SLC12A2: variants seen among roughly 807,000 people sequenced by gnomAD.
The protein encoded by SLC12A2 is Na-K-2Cl cotransporter 1.
A neutral mutation model predicts 136.3 loss-of-function variants in SLC12A2; 67 were observed. That is an observed-to-expected ratio of 0.49 (90% CI 0.40 to 0.60). The LOEUF is 0.60. Among genes scored for constraint, SLC12A2 ranks in the 20% least tolerant of loss-of-function variants. SLC12A2 has a pLI of 0.00. For missense variants in SLC12A2, 1,322 were observed against 1,534.7 expected, an observed-to-expected ratio of 0.86 and a Z score of 2.32; for synonymous variants, 619 against 562.9, an observed-to-expected ratio of 1.10 and a Z score of -1.41.
chr5:128,151,535 C>CT, intron 14 of SLC12A2, 139 bp downstream of exon 14: 1 of 688,092 alleles, frequency 1.5e-6, no homozygotes, highest in Admixed American at 4.0e-5. Context: ...ACCTAAAATA[C>CT]TTTATTTCCA....
At chr5:128,183,372 T>A (rs1046557068) in intron 24 of SLC12A2, among the ~76,000 whole-genome samples, 1 of 152,108 alleles carries the variant, frequency 6.6e-6, no homozygotes, top group Non-Finnish European at 1.5e-5. Context: ...CAGGTTGTTA[T>A]AATGATATTT....
rs141588608 is a variant in SLC12A2 at position 128,111,813 on chromosome 5, C to CATGTGT, written c.757-1001_757-1000insATGTGT. ...GCATATATATATGTGTGTGTATATA[C>CATGTGT]GTGTGTGTGTGTGTATATATATATA... On this transcript the variant is annotated intron_variant, in intron 1 of 26. Transcript: ENST00000262461. Among the ~76,000 whole-genome samples the CATGTGT allele has an allele frequency of 2.7e-3, 399 of 146,770 alleles. 3 individuals are homozygous for CATGTGT. Among genetic ancestry groups the CATGTGT allele is most frequent in the African/African-American group, 9.7e-3 (388 of 39,880 alleles).
At chr5:128,110,479 G>T in intron 1 of SLC12A2, 2 of 1,390,704 alleles carry the variant, frequency 1.4e-6, no homozygotes, top group Non-Finnish European at 2.0e-6. Context: ...ACTCATAGAC[G>T]CTGCTTTCAC....
intron 3 of SLC12A2, 109 bp downstream of exon 3, chr5:128,114,396 C>T: frequency 1.1e-6 from 1 of 904,320 alleles, no homozygotes; most frequent in Non-Finnish European, 1.8e-6. Flanking sequence ...CTACGTTTTC[C>T]TTTATATCAG....
intron 17 of SLC12A2, among the ~76,000 whole-genome samples, chr5:128,162,776 A>C (rs1763080846): frequency 6.6e-6 from 1 of 152,210 alleles, no homozygotes; most frequent in Admixed American, 6.5e-5. Flanking sequence ...ATATACTCTT[A>C]TTCCATATCC....
intron 12 of SLC12A2, among the ~76,000 whole-genome samples, chr5:128,149,449 T>G (rs1394836230): frequency 6.6e-6 from 1 of 151,778 alleles, no homozygotes; most frequent in Non-Finnish European, 1.5e-5. Flanking sequence ...CTTCTAGGTA[T>G]GTACCCTATA....
Position 128,164,233 on chromosome 5 carries a change from T to G in SLC12A2, c.2616+2433T>G, listed in dbSNP as rs143394447. 1.8e-3 allele frequency among the ~76,000 whole-genome samples: 274 copies of G among 152,252 alleles called. 1 individual carries two copies. Among genetic ancestry groups the G allele is most frequent in the African/African-American group, 6.4e-3 (266 of 41,550 alleles). On this transcript the variant is annotated intron_variant, in intron 17 of 26. Transcript: ENST00000262461. ...CAGAGTTTGAGGTGATGCTGCTGAT[T>G]CAGTTCAGGGACTATACTTTAAGAA...
chr5:128,095,889 C>T (rs2126646016), intron 1 of SLC12A2, among the ~76,000 whole-genome samples: 1 of 152,158 alleles, frequency 6.6e-6, no homozygotes, highest in South Asian at 2.1e-4. Context: ...CTTTGATTAC[C>T]ATATTGAGAG....
At position 128,161,706 on chromosome 5, in the gene SLC12A2, A is replaced by C; in HGVS notation, c.2522A>C (p.Lys841Thr). The C allele has an allele frequency of 6.5e-7, 1 of 1,527,730 alleles. No individual in the cohort carries two copies. The highest frequency in any genetic ancestry group is 8.8e-7 in the Non-Finnish European group (1 of 1,139,346). 94.6% of individuals were successfully genotyped at this position (1,527,730 alleles called of 1,614,324 possible). ...AMKEMSIDQA[K>T]YQRWLIKNKM... is the part of the protein sequence containing the mutation. ...AAAGAGATGTCCATCGATCAAGCCAAATATCAGCGATGGCTTATTAAGAAC... is the reference window on the plus strand; with the variant it reads ...AAAGAGATGTCCATCGATCAAGCCACATATCAGCGATGGCTTATTAAGAAC... The change falls in exon 17 of 27, where the codon AAA (lysine) becomes ACA (threonine). Residue 841 changes from lysine to threonine, a missense_variant. Lys to Thr is a moderately conservative substitution (Grantham distance 78, BLOSUM62 -1). Coordinates refer to ENST00000262461, the MANE Select transcript of SLC12A2 (RefSeq NM_001046.3).
At chr5:128,123,692 T>A (rs1002638405) in intron 4 of SLC12A2, among the ~76,000 whole-genome samples, 1 of 152,206 alleles carries the variant, frequency 6.6e-6, no homozygotes, top group Non-Finnish European at 1.5e-5. Flanking sequence ...ATACAACTAC[T>A]TTATCAAATA....
chr5:128,184,675 T>C, intron 25 of SLC12A2, 114 bp from the exon 26 acceptor site: 3 of 1,538,640 alleles, frequency 1.9e-6, no homozygotes, highest in Admixed American at 2.0e-5. Context: ...AGAACAGATA[T>C]TTTTATTACA....
intron 4 of SLC12A2, among the ~76,000 whole-genome samples, chr5:128,126,966 A>ATATATATATATAATTTTT: frequency 2.8e-4 from 6 of 21,156 alleles, no homozygotes; most frequent in Admixed American, 8.7e-4. Flanking sequence ...ATATATATAT[A>ATATATATATATAATTTTT]TTTTTTTTTT....
chr5:128,109,947 G>A (rs1157622204), intron 1 of SLC12A2: 4 of 880,072 alleles, frequency 4.5e-6, no homozygotes, highest in Non-Finnish European at 7.8e-6. Flanking sequence ...TGCCCAACTG[G>A]AAACCATTGC....
chr5:128,103,756 C>A (rs1264464462), intron 1 of SLC12A2, among the ~76,000 whole-genome samples: 1 of 152,114 alleles, frequency 6.6e-6, no homozygotes, highest in African/African-American at 2.4e-5. Context: ...AAAGGCAAGC[C>A]AAAAGTCCCT....
At chr5:128,087,522 G>T (rs577327345) in intron 1 of SLC12A2, among the ~76,000 whole-genome samples, 34 of 152,292 alleles carry the variant, frequency 2.2e-4, no homozygotes, top group African/African-American at 8.2e-4. Context: ...GTTGATGATT[G>T]GGTGGAATGA....
intron 9 of SLC12A2, among the ~76,000 whole-genome samples, chr5:128,141,359 A>T (rs1336675302): frequency 6.6e-6 from 1 of 152,208 alleles, no homozygotes; most frequent in East Asian, 1.9e-4. Flanking sequence ...AAATATAATT[A>T]TAATTCATTA....
chr5:128,146,981 C>T (rs1482937603), intron 10 of SLC12A2, among the ~76,000 whole-genome samples: 1 of 150,814 alleles, frequency 6.6e-6, no homozygotes, highest in Non-Finnish European at 1.5e-5. Context: ...TATGAGATCT[C>T]CATGGGAGAA....
At chr5:128,096,488 T>C (rs1760542460) in intron 1 of SLC12A2, among the ~76,000 whole-genome samples, 1 of 152,084 alleles carries the variant, frequency 6.6e-6, no homozygotes, top group Non-Finnish European at 1.5e-5. Context: ...TATAGGAAGA[T>C]TTTTTTCTTT....
At chr5:128,085,859 T>C (rs1760083618) in intron 1 of SLC12A2, among the ~76,000 whole-genome samples, 1 of 152,226 alleles carries the variant, frequency 6.6e-6, no homozygotes, top group South Asian at 2.1e-4. Context: ...TTACAGCTTA[T>C]TGATTGTTTA....
Sources: gnomAD v4.1 joint callset for allele counts (sites outside exome capture counted in the v4.1 genomes callset) on GRCh38, gnomAD v4.1.1 for gene constraint, MANE v1.5 for transcripts, NCBI Gene and HGNC (gene_info 2026-07-23, HGNC 2026-07-21) for gene names.